RABGAP1L: variants seen among roughly 807,000 people sequenced by gnomAD.
RABGAP1L encodes the protein rab GTPase-activating protein 1-like.
RABGAP1L carries 63 observed loss-of-function variants against 137.7 expected under a neutral mutation model. The ratio of observed to expected loss-of-function variants is 0.46; its 90% CI spans 0.37 to 0.56. The LOEUF (loss-of-function observed/expected upper bound fraction) is 0.56, where lower values mean the gene tolerates loss of function less well. Ranked by LOEUF, RABGAP1L falls within the 20% of genes least tolerant of loss-of-function variation. The probability of loss-of-function intolerance (pLI) is 0.00; values close to 1 mark genes in which losing one functional copy is unlikely to be tolerated. For synonymous variants in RABGAP1L, 431 were observed against 433.7 expected, an observed-to-expected ratio of 0.99 and a Z score of 0.08; for missense variants, 1,095 against 1,244.0, an observed-to-expected ratio of 0.88 and a Z score of 1.80.
Position 174,448,265 on chromosome 1 carries a change from T to C in RABGAP1L, c.1710+54120T>C, listed in dbSNP as rs763979843. On this transcript the variant is annotated intron_variant, in intron 13 of 25. Transcript: ENST00000681986. The surrounding 1 kb of genome is among the most constrained non-coding windows in gnomAD (Gnocchi z 4.2). ...GACAGTGGTTATTGTGTTGCTGACA[T>C]TTCTGATCATTGCTGGGAATCTAAC... 3.7e-6 allele frequency: 6 copies of C among 1,614,012 alleles called. No homozygotes were observed. In the East Asian group the frequency reaches 1.3e-4, roughly 36 times the overall value.
At chr1:174,657,181 T>C (rs1676029308) in intron 14 of RABGAP1L, among the ~76,000 whole-genome samples, 1 of 152,226 alleles carries the variant, frequency 6.6e-6, no homozygotes, top group South Asian at 2.1e-4. Context: ...GGTATTTTGA[T>C]ACATACAATG....
chr1:174,484,699 T>A (rs1160569116), intron 13 of RABGAP1L, among the ~76,000 whole-genome samples: 1 of 152,158 alleles, frequency 6.6e-6, no homozygotes, highest in African/African-American at 2.4e-5. Context: ...AATGAATTCA[T>A]TGTAGATGTG....
chr1:174,469,273 T>G (rs1259986305), intron 13 of RABGAP1L, among the ~76,000 whole-genome samples: 3 of 152,190 alleles, frequency 2.0e-5, no homozygotes, highest in African/African-American at 7.2e-5. Context: ...ATTTTGGTTA[T>G]CAAATATCAG....
rs544058447 is a variant in RABGAP1L, at chr1:174,364,780, A to G, written c.1466-6199A>G. Among the ~76,000 whole-genome samples, 154 of 152,260 alleles carry G rather than the reference A, an allele frequency of 1.0e-3. No individual in the cohort carries two copies. The South Asian group carries it at 0.022, about 22-fold the overall frequency. ...GAGCATGTCTCAGAGCCCAAGGTCA[A>G]TGGTGTACTCCATGGGTATCAGTGG... On this transcript the variant is annotated intron_variant, in intron 11 of 25. Coordinates refer to ENST00000681986, the MANE Select transcript of RABGAP1L (RefSeq NM_001366446.1).
chr1:174,424,345 C>G lies in RABGAP1L; in HGVS notation c.1710+30200C>G, dbSNP rs76551549. Among the ~76,000 whole-genome samples the G allele has an allele frequency of 1.7e-3, 264 of 152,140 alleles. 4 individuals are homozygous for G. The East Asian group carries it at 0.047, about 27-fold the overall frequency. ...AATAGCTGTAAGTCTTGCTACTTTT[C>G]TGTTCTCAGTGTGATGTTCAAAATT... On this transcript the variant is annotated intron_variant, in intron 13 of 25. Transcript: ENST00000681986.
chr1:174,552,804 A>G (rs1038442211), intron 13 of RABGAP1L, among the ~76,000 whole-genome samples: 5 of 152,144 alleles, frequency 3.3e-5, no homozygotes, highest in Admixed American at 2.0e-4. Flanking sequence ...TCACCACACT[A>G]TCTTCTACAA....
chr1:174,606,842 T>C (rs1297084030), intron 13 of RABGAP1L, among the ~76,000 whole-genome samples: 1 of 152,246 alleles, frequency 6.6e-6, no homozygotes, highest in Non-Finnish European at 1.5e-5. Flanking sequence ...TTAACTAGTA[T>C]TTTTGCCTCT....
intron 10 of RABGAP1L, among the ~76,000 whole-genome samples, chr1:174,286,074 G>A (rs1304719072): frequency 6.6e-6 from 1 of 152,108 alleles, no homozygotes; most frequent in Non-Finnish European, 1.5e-5. Flanking sequence ...TGGTATCAGG[G>A]TAATGCTGGC....
At chr1:174,629,884 T>C (rs1673211908) in intron 13 of RABGAP1L, among the ~76,000 whole-genome samples, 1 of 152,166 alleles carries the variant, frequency 6.6e-6, no homozygotes, top group African/African-American at 2.4e-5. Context: ...GTCCTTTATT[T>C]CTTAAATATG....
At chr1:174,295,645 A>G (rs931321235) in intron 10 of RABGAP1L, among the ~76,000 whole-genome samples, 3 of 151,126 alleles carry the variant, frequency 2.0e-5, no homozygotes, top group African/African-American at 4.9e-5. Context: ...CGGCCTCCCA[A>G]AGTGCTGGGA....
At chr1:174,514,910 T>C (rs1174128805) in intron 13 of RABGAP1L, among the ~76,000 whole-genome samples, 1 of 152,230 alleles carries the variant, frequency 6.6e-6, no homozygotes, top group African/African-American at 2.4e-5. Context: ...TTTTTGTTTT[T>C]GTAGGTTTTG....
chr1:174,244,161 C>T (rs1009753103), intron 5 of RABGAP1L: 5 of 152,200 alleles, frequency 3.3e-5, no homozygotes, highest in Non-Finnish European at 7.3e-5. Flanking sequence ...CACCTTTAGT[C>T]GTTAGTATTT....
At chr1:174,684,350 A>G (rs918828028) in intron 15 of RABGAP1L, among the ~76,000 whole-genome samples, 2 of 152,108 alleles carry the variant, frequency 1.3e-5, no homozygotes, top group African/African-American at 4.8e-5. Context: ...GGGGAAAGGG[A>G]GGGGGTAAAG....
chr1:174,957,925 T>G, intron 20 of RABGAP1L: 1 of 1,583,244 alleles, frequency 6.3e-7, no homozygotes, highest in South Asian at 1.2e-5. Flanking sequence ...GCTGTTGCAT[T>G]TATACTGGGA....
intron 13 of RABGAP1L, among the ~76,000 whole-genome samples, chr1:174,600,239 C>G (rs956814932): frequency 1.3e-5 from 2 of 152,178 alleles, no homozygotes; most frequent in African/African-American, 4.8e-5. Context: ...GGGTCCCTCC[C>G]ACAATAACGT....
chr1:174,200,884 A>G (rs560740440), intron 1 of RABGAP1L, among the ~76,000 whole-genome samples: 1 of 152,264 alleles, frequency 6.6e-6, no homozygotes, highest in Non-Finnish European at 1.5e-5. Context: ...AAAGATGAAA[A>G]ACTTTTTCAA....
At chr1:174,161,089 G>C (rs932103267) in intron 1 of RABGAP1L, among the ~76,000 whole-genome samples, 3 of 152,134 alleles carry the variant, frequency 2.0e-5, no homozygotes, top group African/African-American at 7.2e-5. Flanking sequence ...CTTTGAGTTA[G>C]ACTGGTGTCT....
intron 19 of RABGAP1L, among the ~76,000 whole-genome samples, chr1:174,854,703 T>A (rs1648952290): frequency 2.3e-5 from 3 of 131,464 alleles, no homozygotes; most frequent in Admixed American, 1.7e-4. Context: ...TGCAATAGAC[T>A]CAATATAAAT....
At chr1:174,657,829 C>T (rs1407749583) in intron 14 of RABGAP1L, among the ~76,000 whole-genome samples, 1 of 152,036 alleles carries the variant, frequency 6.6e-6, no homozygotes, top group Admixed American at 6.6e-5. Flanking sequence ...CTTGTGTAGT[C>T]GTTTGCCCCA....
Sources: allele counts gnomAD v4.1 joint callset (sites outside exome capture counted in the v4.1 genomes callset), GRCh38; gene constraint gnomAD v4.1.1; non-coding constraint Gnocchi (gnomAD v3.1); transcripts MANE v1.5; gene names NCBI Gene and HGNC (gene_info 2026-07-23, HGNC 2026-07-21).